Variants in EIF3E observed in about 807,000 individuals in gnomAD.
The protein encoded by EIF3E is eukaryotic translation initiation factor 3 subunit E.
Under a neutral mutation model 59.3 loss-of-function variants are expected in EIF3E, and 25 were observed. The observed-to-expected ratio is 0.42, with a 90% CI of 0.31 to 0.59. The LOEUF (loss-of-function observed/expected upper bound fraction) is 0.59. Ranked by LOEUF, EIF3E falls within the 20% of genes least tolerant of loss-of-function variation. The pLI is 0.15. For missense variants in EIF3E, 317 were observed against 534.3 expected (o/e 0.59, Z 4.01); for synonymous variants, 176 against 170.2 (o/e 1.03, Z -0.26).
chr8:108,242,093 G>A (rs940168275), intron 1 of EIF3E, 180 bp from the exon 2 acceptor site: 17 of 1,458,044 alleles, frequency 1.2e-5, no homozygotes, highest in African/African-American at 1.1e-4. Context: ...ACCTATAGAC[G>A]TAAAAGTATT....
At chr8:108,222,828 GTTTTTTT>G (rs11320166) in intron 7 of EIF3E, among the ~76,000 whole-genome samples, 1 of 134,292 alleles carries the variant, frequency 7.4e-6, no homozygotes, top group South Asian at 2.3e-4. Flanking sequence ...AATTTTCTTA[GTTTTTTT>G]TTTTTTTTTT....
chr8:108,202,581 T>G (rs1405400072), intron 12 of EIF3E, among the ~76,000 whole-genome samples: 1 of 152,036 alleles, frequency 6.6e-6, no homozygotes, highest in East Asian at 1.9e-4. Flanking sequence ...CTAATACATA[T>G]AATAAGATCA....
intron 10 of EIF3E, among the ~76,000 whole-genome samples, chr8:108,207,264 A>C (rs1304617273): frequency 2.6e-5 from 4 of 152,136 alleles, no homozygotes; most frequent in Non-Finnish European, 4.4e-5. Context: ...TGAGCCCAGG[A>C]ATTTCAGACC....
chr8:108,220,146 A>C (rs1156626709), intron 7 of EIF3E, among the ~76,000 whole-genome samples: 15 of 115,674 alleles, frequency 1.3e-4, no homozygotes, highest in Admixed American at 1.1e-3. Flanking sequence ...TCCATCTCCC[A>C]AAAAAAAAAA....
At chr8:108,242,964 C>CCAA (rs1454205917) in intron 1 of EIF3E, 1 of 152,982 alleles carries the variant, frequency 6.5e-6, no homozygotes, top group African/African-American at 2.4e-5. Flanking sequence ...GCCAAACATA[C>CCAA]TTTTTGATCC....
intron 10 of EIF3E, among the ~76,000 whole-genome samples, chr8:108,211,497 T>C (rs1210377998): frequency 6.6e-6 from 1 of 152,216 alleles, no homozygotes; most frequent in Non-Finnish European, 1.5e-5. Flanking sequence ...ATATTAGCCC[T>C]TTGTCAGATG....
intron 7 of EIF3E, among the ~76,000 whole-genome samples, chr8:108,220,304 C>T (rs1815385856): frequency 6.6e-6 from 1 of 152,198 alleles, no homozygotes; most frequent in Non-Finnish European, 1.5e-5. Context: ...CATCACATTG[C>T]AGATTAATCA....
chr8:108,244,806 G>GA (rs914329924), intron 1 of EIF3E, among the ~76,000 whole-genome samples: 6 of 151,588 alleles, frequency 4.0e-5, no homozygotes, highest in Non-Finnish European at 8.8e-5. Context: ...ACTAACTCTG[G>GA]AAAAAAAGTC....
chr8:108,237,811 A>G (rs1157693798), intron 3 of EIF3E, among the ~76,000 whole-genome samples: 2 of 152,228 alleles, frequency 1.3e-5, no homozygotes, highest in African/African-American at 4.8e-5. Context: ...ACTCACGTAT[A>G]TAATCACTGT....
At chr8:108,239,031 T>A (rs1401890559) in intron 3 of EIF3E, among the ~76,000 whole-genome samples, 1 of 152,152 alleles carries the variant, frequency 6.6e-6, no homozygotes, top group Non-Finnish European at 1.5e-5. Flanking sequence ...AGGAATAAAA[T>A]AATCTTATCA....
intron 10 of EIF3E, among the ~76,000 whole-genome samples, chr8:108,206,489 G>C (rs897629594): frequency 6.6e-6 from 1 of 152,056 alleles, no homozygotes; most frequent in Non-Finnish European, 1.5e-5. Context: ...TTCCATTCTA[G>C]GCTGGATGTG....
At chr8:108,208,032 G>A (rs1319384177) in intron 10 of EIF3E, among the ~76,000 whole-genome samples, 4 of 152,050 alleles carry the variant, frequency 2.6e-5, no homozygotes, top group African/African-American at 9.7e-5. Context: ...TTAATTTAGG[G>A]AACTGATAAG....
chr8:108,204,731 G>GTGTATATA (rs1554597993), intron 10 of EIF3E, among the ~76,000 whole-genome samples: 1 of 86,780 alleles, frequency 1.2e-5, no homozygotes, highest in Non-Finnish European at 2.5e-5. Context: ...TAGTATGTAT[G>GTGTATATA]TATATATATA....
At chr8:108,216,621 T>C in intron 8 of EIF3E, 108 bp from the exon 9 acceptor site, 2 of 756,420 alleles carry the variant, frequency 2.6e-6, no homozygotes, top group Non-Finnish European at 4.3e-6. Flanking sequence ...CATTAATTTC[T>C]AGCCAAATTA....
At chr8:108,245,424 G>C (rs1450948718) in intron 1 of EIF3E, among the ~76,000 whole-genome samples, 1 of 152,170 alleles carries the variant, frequency 6.6e-6, no homozygotes, top group African/African-American at 2.4e-5. Context: ...AGCTAAGATT[G>C]TGCCACTGCA....
chr8:108,243,012 T>C (rs181308447), intron 1 of EIF3E, among the ~76,000 whole-genome samples: 1 of 152,312 alleles, frequency 6.6e-6, no homozygotes, highest in East Asian at 1.9e-4. Context: ...AATGGGTGCA[T>C]ATAGTCAAAG....
chr8:108,226,729 T>C (rs1283581133), intron 7 of EIF3E, among the ~76,000 whole-genome samples: 1 of 152,196 alleles, frequency 6.6e-6, no homozygotes, highest in Non-Finnish European at 1.5e-5. Context: ...TATTCCCATA[T>C]GCACACACTT....
intron 10 of EIF3E, among the ~76,000 whole-genome samples, chr8:108,208,772 C>T (rs1052486097): frequency 6.6e-6 from 1 of 152,020 alleles, no homozygotes; most frequent in African/African-American, 2.4e-5. Flanking sequence ...CATACACATC[C>T]AAAATATTAC....
intron 10 of EIF3E, 79 bp from the exon 11 acceptor site, chr8:108,203,582 C>T (rs1306121060): frequency 1.2e-5 from 13 of 1,076,550 alleles, no homozygotes; most frequent in Non-Finnish European, 1.9e-5. Flanking sequence ...TTGACTCACA[C>T]TCTGCATAGA....
Sources: gnomAD v4.1 joint callset for allele counts (sites outside exome capture counted in the v4.1 genomes callset) on GRCh38, gnomAD v4.1.1 for gene constraint, MANE v1.5 for transcripts, NCBI Gene and HGNC (gene_info 2026-07-23, HGNC 2026-07-21) for gene names.